The following NIPAL2 variants were observed in gnomAD, a reference collection of about 807,000 sequenced individuals.
NIPAL2 encodes NIPA-like protein 2.
NIPAL2 carries 43 observed loss-of-function variants against 48.9 expected under a neutral mutation model. The observed-to-expected ratio is 0.88, with a 90% confidence interval of 0.69 to 1.13. The LOEUF (loss-of-function observed/expected upper bound fraction) is 1.13, where lower values mean the gene tolerates loss of function less well. Ranked by LOEUF, NIPAL2 falls within the 50% of genes most tolerant of loss-of-function variation. The pLI, the probability that NIPAL2 is intolerant of heterozygous loss-of-function variation, is 0.00. For missense variants in NIPAL2, 446 were observed against 461.4 expected (o/e 0.97, Z 0.31); for synonymous variants, 167 against 174.6 (o/e 0.96, Z 0.34).
intron 7 of NIPAL2, among the ~76,000 whole-genome samples, chr8:98,204,234 T>C (rs904963238): frequency 6.6e-6 from 1 of 152,222 alleles, no homozygotes; most frequent in Non-Finnish European, 1.5e-5. Context: ...CACAGGCTTA[T>C]AAGGAGATGA....
At chr8:98,267,917 T>C (rs149865311) in intron 1 of NIPAL2, among the ~76,000 whole-genome samples, 372 of 152,230 alleles carry the variant, frequency 2.4e-3, no homozygotes, top group African/African-American at 8.6e-3. Flanking sequence ...TTCCCCACAA[T>C]TAAATAATAG....
In NIPAL2 at chr8:98,213,974, C is replaced by T. The variant is rs575328315; in HGVS notation, c.559-1473G>A. 5.3e-5 allele frequency among the ~76,000 whole-genome samples: 8 copies of T among 152,254 alleles called. No homozygotes were observed. In the South Asian group the frequency reaches 1.5e-3, roughly 28 times the overall value. On this transcript the variant is annotated intron_variant, in intron 5 of 10. Coordinates refer to ENST00000430223, the MANE Select transcript of NIPAL2 (RefSeq NM_001321635.2). ...CAATCTCTGGTGCCTGGCATACAGT[C>T]GGTCACTCAATGAGTACTGATGGAA...
intron 1 of NIPAL2, among the ~76,000 whole-genome samples, chr8:98,257,569 A>G (rs1813979659): frequency 6.6e-6 from 1 of 151,966 alleles, no homozygotes; most frequent in Non-Finnish European, 1.5e-5. Flanking sequence ...TTTCTTTGAC[A>G]TATTTTGAAA....
intron 3 of NIPAL2, among the ~76,000 whole-genome samples, chr8:98,249,350 G>C (rs1008503435): frequency 6.6e-6 from 1 of 152,084 alleles, no homozygotes; most frequent in African/African-American, 2.4e-5. Flanking sequence ...CAGAGAGAGG[G>C]AAAGAAAGCA....
At chr8:98,275,233 TC>T in intron 1 of NIPAL2, among the ~76,000 whole-genome samples, 1 of 152,090 alleles carries the variant, frequency 6.6e-6, no homozygotes, top group East Asian at 1.9e-4. Context: ...ACCATAAGAC[TC>T]CCTTGTATTA....
At chr8:98,194,265 G>T (rs1488441660) in intron 10 of NIPAL2, among the ~76,000 whole-genome samples, 2 of 152,124 alleles carry the variant, frequency 1.3e-5, no homozygotes, top group Admixed American at 1.3e-4. Flanking sequence ...GGTAGGCGGG[G>T]TGAGGAAGGG....
chr8:98,289,959 C>T (rs1816405654), intron 1 of NIPAL2, among the ~76,000 whole-genome samples: 1 of 152,126 alleles, frequency 6.6e-6, no homozygotes, highest in South Asian at 2.1e-4. Context: ...TCAAGTCCAG[C>T]AAGACAGAAG....
chr8:98,281,072 C>T (rs925990206), intron 1 of NIPAL2, among the ~76,000 whole-genome samples: 5 of 151,712 alleles, frequency 3.3e-5, no homozygotes, highest in Non-Finnish European at 7.4e-5. Flanking sequence ...AAAACCATTG[C>T]GCAACTGAAG....
chr8:98,241,478 C>T (rs1169020969), intron 3 of NIPAL2, among the ~76,000 whole-genome samples: 1 of 152,078 alleles, frequency 6.6e-6, no homozygotes, highest in Non-Finnish European at 1.5e-5. Flanking sequence ...CAATATCTAT[C>T]AACAGCATCA....
intron 5 of NIPAL2, among the ~76,000 whole-genome samples, chr8:98,219,935 A>G (rs967089589): frequency 3.9e-5 from 6 of 152,178 alleles, no homozygotes; most frequent in Non-Finnish European, 8.8e-5. Context: ...GTGGGAGCTA[A>G]GGAAGTGGAC....
At chr8:98,289,416 A>AG (rs1563562616) in intron 1 of NIPAL2, among the ~76,000 whole-genome samples, 1 of 152,172 alleles carries the variant, frequency 6.6e-6, no homozygotes, top group African/African-American at 2.4e-5. Context: ...TCCTCTAACA[A>AG]GGGCCCCGGG....
At chr8:98,244,472 G>C (rs1813179853) in intron 3 of NIPAL2, among the ~76,000 whole-genome samples, 1 of 123,696 alleles carries the variant, frequency 8.1e-6, no homozygotes, top group Non-Finnish European at 1.7e-5. Flanking sequence ...ATGGGGGTAG[G>C]CTGTAATGAT....
intron 1 of NIPAL2, among the ~76,000 whole-genome samples, chr8:98,260,129 C>A (rs1161767549): frequency 6.6e-6 from 1 of 152,126 alleles, no homozygotes; most frequent in Admixed American, 6.5e-5. Context: ...GGCATAGAGG[C>A]AGCAAGCTAT....
At chr8:98,237,168 C>T (rs1563511893) in intron 3 of NIPAL2, among the ~76,000 whole-genome samples, 1 of 151,930 alleles carries the variant, frequency 6.6e-6, no homozygotes, top group Non-Finnish European at 1.5e-5. Flanking sequence ...TCAAGTGATC[C>T]TCTCGAGTAG....
intron 4 of NIPAL2, among the ~76,000 whole-genome samples, chr8:98,233,245 G>T (rs113008736): frequency 6.6e-6 from 1 of 151,604 alleles, no homozygotes. Context: ...GCAACAGAGC[G>T]AGACTCCATC....
In NIPAL2 at chr8:98,264,017, C is replaced by T. The variant is rs1171892520; in HGVS notation, c.136-9930G>A. Among the ~76,000 whole-genome samples, 4 of 148,328 alleles carry T rather than the reference C, an allele frequency of 2.7e-5. No individual in the cohort carries two copies. The South Asian group carries it at 6.6e-4, about 24-fold the overall frequency. On this transcript the variant is annotated intron_variant, in intron 1 of 10. Coordinates refer to ENST00000430223, the MANE Select transcript of NIPAL2 (RefSeq NM_001321635.2). ...ATGTAATCCAGCATATAAACAGAGC[C>T]AAAGACAAAAACCACATGATTATCT...
chr8:98,211,727 AGAG>A, intron 6 of NIPAL2, among the ~76,000 whole-genome samples: 1 of 96,310 alleles, frequency 1.0e-5, no homozygotes, highest in Non-Finnish European at 2.1e-5. Context: ...AGAGAGAGAG[AGAG>A]AAAGTGTGTG....
intron 8 of NIPAL2, among the ~76,000 whole-genome samples, 192 bp from the exon 9 acceptor site, chr8:98,196,197 T>C (rs533238327): frequency 6.6e-6 from 1 of 152,342 alleles, no homozygotes; most frequent in African/African-American, 2.4e-5. Context: ...AAAAAGAACA[T>C]AGATTTGTAA....
chr8:98,267,853 C>T (rs571488751), intron 1 of NIPAL2, among the ~76,000 whole-genome samples: 2 of 152,216 alleles, frequency 1.3e-5, no homozygotes, highest in Admixed American at 1.3e-4. Flanking sequence ...TTCCCCACCC[C>T]CTGGAACCTA....
Sources: allele counts gnomAD v4.1 joint callset (sites outside exome capture counted in the v4.1 genomes callset), GRCh38; gene constraint gnomAD v4.1.1; transcripts MANE v1.5; gene names NCBI Gene and HGNC (gene_info 2026-07-23, HGNC 2026-07-21).